PALLD: variants seen among roughly 807,000 people sequenced by gnomAD.
PALLD encodes the protein palladin.
PALLD carries 61 observed loss-of-function variants against 123.5 expected under a neutral mutation model. The observed-to-expected ratio is 0.49, with a 90% CI of 0.40 to 0.61. The LOEUF is 0.61. Ranked by LOEUF, PALLD falls within the 20% of genes least tolerant of loss-of-function variation. PALLD has a pLI of 0.00. For synonymous variants in PALLD, 465 were observed against 496.4 expected (o/e 0.94, Z 0.84); for missense variants, 1,273 against 1,377.0 (o/e 0.92, Z 1.20).
intron 10 of PALLD, among the ~76,000 whole-genome samples, chr4:168,821,879 C>CAAA (rs910886193): frequency 2.4e-4 from 14 of 58,248 alleles, no homozygotes; most frequent in East Asian, 5.3e-4. Flanking sequence ...AACGCTGTCT[C>CAAA]AAAAAAAAAA....
chr4:168,805,523 G>A (rs945528293), intron 10 of PALLD, among the ~76,000 whole-genome samples: 1 of 152,184 alleles, frequency 6.6e-6, no homozygotes, highest in Admixed American at 6.5e-5. Context: ...CTGGGGTTAA[G>A]TTCAAACTAA....
At chr4:168,582,632 T>C (rs958411656) in intron 2 of PALLD, among the ~76,000 whole-genome samples, 8 of 152,144 alleles carry the variant, frequency 5.3e-5, no homozygotes, top group African/African-American at 1.2e-4. Context: ...AGAATTCTTA[T>C]GAAAGGAGTT....
At chr4:168,505,671 C>T (rs1761927978) in intron 1 of PALLD, among the ~76,000 whole-genome samples, 1 of 152,226 alleles carries the variant, frequency 6.6e-6, no homozygotes, top group South Asian at 2.1e-4. Context: ...TCCATTTCCT[C>T]CTTTCTAAAC....
At chr4:168,860,694 C>T (rs150958204) in intron 10 of PALLD, among the ~76,000 whole-genome samples, 3 of 152,268 alleles carry the variant, frequency 2.0e-5, no homozygotes, top group Admixed American at 6.5e-5. Flanking sequence ...TGGTGGTGCA[C>T]GTCTGTAATC....
chr4:168,528,084 C>G (rs1764243647), intron 2 of PALLD, among the ~76,000 whole-genome samples: 1 of 152,130 alleles, frequency 6.6e-6, no homozygotes, highest in Admixed American at 6.5e-5. Context: ...TTCATGAAAC[C>G]CTCCTTGCAT....
intron 10 of PALLD, among the ~76,000 whole-genome samples, chr4:168,813,260 G>A (rs1232239461): frequency 6.6e-6 from 1 of 152,068 alleles, no homozygotes; most frequent in Non-Finnish European, 1.5e-5. Flanking sequence ...ATTGATTTTA[G>A]TGGAATCATG....
chr4:168,539,648 G>C (rs1038735497), intron 2 of PALLD, among the ~76,000 whole-genome samples: 1 of 151,482 alleles, frequency 6.6e-6, no homozygotes, highest in Non-Finnish European at 1.5e-5. Context: ...TTGTGCAAAG[G>C]CCTCTCACAA....
At chr4:168,760,374 C>T (rs915304425) in intron 10 of PALLD, among the ~76,000 whole-genome samples, 2 of 152,152 alleles carry the variant, frequency 1.3e-5, no homozygotes, top group African/African-American at 4.8e-5. Flanking sequence ...CTGTGACTAC[C>T]TCCTTTTGGC....
At chr4:168,504,583 G>T (rs1419921035) in intron 1 of PALLD, among the ~76,000 whole-genome samples, 8 of 110,290 alleles carry the variant, frequency 7.3e-5, no homozygotes, top group African/African-American at 2.9e-4. Context: ...GACAAAGCAA[G>T]ACTCCAACTC....
At chr4:168,675,519 A>G (rs1474411788) in intron 3 of PALLD, among the ~76,000 whole-genome samples, 2 of 152,190 alleles carry the variant, frequency 1.3e-5, no homozygotes, top group Non-Finnish European at 2.9e-5. Context: ...CTTTTGGAGA[A>G]AAGCTAAACC....
intron 10 of PALLD, among the ~76,000 whole-genome samples, chr4:168,736,214 ATAAT>A (rs1315910069): frequency 2.6e-5 from 4 of 152,242 alleles, no homozygotes; most frequent in African/African-American, 7.2e-5. Flanking sequence ...GTTTGCACTG[ATAAT>A]TAATAATTAC....
intron 2 of PALLD, among the ~76,000 whole-genome samples, chr4:168,659,578 A>C (rs1464122999): frequency 6.6e-6 from 1 of 152,206 alleles, no homozygotes; most frequent in East Asian, 1.9e-4. Flanking sequence ...AGCATAAAGG[A>C]ATTGATTTAA....
chr4:168,729,346 T>A (rs900074702), intron 10 of PALLD, among the ~76,000 whole-genome samples: 1 of 151,414 alleles, frequency 6.6e-6, no homozygotes, highest in Non-Finnish European at 1.5e-5. Flanking sequence ...TTTTTTTTTT[T>A]AGAGACGGGG....
At chr4:168,719,456 C>T (rs965570537) in intron 10 of PALLD, among the ~76,000 whole-genome samples, 1 of 151,950 alleles carries the variant, frequency 6.6e-6, no homozygotes, top group Non-Finnish European at 1.5e-5. Context: ...GACGAGGTTT[C>T]ACCATGTTGG....
chr4:168,767,542 A>ATTT (rs5863956), intron 10 of PALLD, among the ~76,000 whole-genome samples: 1 of 125,692 alleles, frequency 8.0e-6, no homozygotes, highest in African/African-American at 3.0e-5. Context: ...CCTGTCTCTG[A>ATTT]TTTTTTTTTT....
chr4:168,513,088 T>G (rs1762678546), intron 2 of PALLD, among the ~76,000 whole-genome samples: 1 of 151,492 alleles, frequency 6.6e-6, no homozygotes, highest in Admixed American at 6.6e-5. Flanking sequence ...AAGATTCTCA[T>G]ATACAAGAAA....
intron 2 of PALLD, among the ~76,000 whole-genome samples, chr4:168,590,880 T>G (rs1315171925): frequency 1.0e-4 from 14 of 139,166 alleles, no homozygotes; most frequent in East Asian, 2.1e-4. Flanking sequence ...TTTTTTTTTT[T>G]TTTTTTTTTT....
intron 10 of PALLD, among the ~76,000 whole-genome samples, chr4:168,793,617 A>T (rs896176737): frequency 6.6e-5 from 10 of 152,088 alleles, no homozygotes; most frequent in Non-Finnish European, 1.5e-4. Flanking sequence ...CGGTTTCCCC[A>T]TCTGTAAAAA....
At position 168,846,156 on chromosome 4, in the gene PALLD, C is replaced by T. The variant is rs188740170; in HGVS notation, c.1965-44766C>T. Among the ~76,000 whole-genome samples, 704 of 152,248 alleles carry T rather than the reference C, an allele frequency of 4.6e-3. 1 individual carries two copies. The highest frequency in any genetic ancestry group is 0.01 in the Middle Eastern group (3 of 294). On this transcript the variant is annotated intron_variant, in intron 10 of 21. Coordinates refer to ENST00000505667, the MANE Select transcript of PALLD (RefSeq NM_001166108.2). ...CTTGTCCCTTTGCTCAACCCTAAGC[C>T]CACTGCACGCTTTACTATTTTCATT...
Sources: allele counts gnomAD v4.1 joint callset (sites outside exome capture counted in the v4.1 genomes callset), GRCh38; gene constraint gnomAD v4.1.1; transcripts MANE v1.5; gene names NCBI Gene and HGNC (gene_info 2026-07-23, HGNC 2026-07-21).